Variants in COL5A2 observed in about 807,000 individuals in gnomAD.
COL5A2 encodes the protein collagen type V alpha 2 chain.
A neutral mutation model predicts 208.2 loss-of-function variants in COL5A2; 23 were observed. The observed-to-expected ratio is 0.11, with a 90% CI of 0.08 to 0.16. The LOEUF (loss-of-function observed/expected upper bound fraction) is 0.16, where lower values mean the gene tolerates loss of function less well. Ranked by LOEUF, COL5A2 falls within the 10% of genes least tolerant of loss-of-function variation. COL5A2 has a pLI of 1.00. For synonymous variants in COL5A2, 625 were observed against 628.5 expected (o/e 0.99, Z 0.08); for missense variants, 1,590 against 1,956.4 (o/e 0.81, Z 3.53).
intron 50 of COL5A2, 132 bp from the exon 51 acceptor site, chr2:189,039,695 C>G: frequency 1.3e-6 from 1 of 797,942 alleles, no homozygotes; most frequent in South Asian, 1.8e-5. Flanking sequence ...GACTCGCGCC[C>G]TTTTGTAACT....
At chr2:189,255,094 C>T in the COL5A2 span, among the ~76,000 whole-genome samples, 122 of 152,286 alleles carry the variant, frequency 8.0e-4, 1 homozygote, top group African/African-American at 2.9e-3. Flanking sequence ...ACAGGCTATC[C>T]ACATTCTTTT....
chr2:189,164,899 G>A lies in COL5A2; in HGVS notation c.97+14609C>T, dbSNP rs934965977. Among the ~76,000 whole-genome samples, 10 of 152,292 alleles carry A rather than the reference G, an allele frequency of 6.6e-5. No individual in the cohort carries two copies. In the East Asian group the frequency reaches 1.3e-3, roughly 21 times the overall value. ...CAGTTGCTATCTGGACTCTATCCAC[G>A]TTGAGTTAGTAGAAGTTGAGCAAGC... On this transcript the variant is annotated intron_variant, in intron 1 of 53. Coordinates refer to ENST00000374866, the MANE Select transcript of COL5A2 (RefSeq NM_000393.5).
upstream of COL5A2, among the ~76,000 whole-genome samples, chr2:189,229,940 C>G (rs1340471043): frequency 1.3e-5 from 2 of 151,676 alleles, no homozygotes; most frequent in East Asian, 3.9e-4. Flanking sequence ...GGCTGTATTA[C>G]AAAGCTACAA....
chr2:189,044,870 G>A (rs1229154837), intron 47 of COL5A2, among the ~76,000 whole-genome samples: 1 of 152,004 alleles, frequency 6.6e-6, no homozygotes, highest in Non-Finnish European at 1.5e-5. Context: ...ATTTTCCTAT[G>A]TAGTTTTTAG....
chr2:189,381,577 T>A, the COL5A2 span, among the ~76,000 whole-genome samples: 2 of 152,050 alleles, frequency 1.3e-5, no homozygotes, highest in Non-Finnish European at 2.9e-5. Flanking sequence ...TTATTATTTC[T>A]ATGAAAAATA....
At chr2:189,326,096 C>CAAAA in the COL5A2 span, among the ~76,000 whole-genome samples, 3,611 of 96,686 alleles carry the variant, frequency 0.037, 51 homozygotes, top group Admixed American at 0.044. Context: ...GACCCTGTCT[C>CAAAA]AAAAAAAAAA....
At chr2:189,179,936 A>G (rs7576519), upstream of COL5A2, 7,475 of 517,110 alleles carry the variant, frequency 0.014, 439 homozygotes, top group African/African-American at 0.12. Flanking sequence ...AACTTTCCCT[A>G]TTTCATTTAA....
At chr2:189,271,936 A>T in the COL5A2 span, among the ~76,000 whole-genome samples, 1 of 152,242 alleles carries the variant, frequency 6.6e-6, no homozygotes, top group Non-Finnish European at 1.5e-5. Flanking sequence ...TCGTTAGAGA[A>T]ACGCAAATCA....
rs748184005 is a variant in COL5A2, at chr2:189,068,215, G to A, written c.1302+11C>T. ...CATTTGAGCTTCACATGCCATAAAT[G>A]CAGTACTCACCGTTGGGCCTTTGGC... On this transcript the variant is annotated intron_variant, in intron 20 of 53. Transcript: ENST00000374866. 2 of 1,613,090 alleles carry A rather than the reference G, an allele frequency of 1.2e-6. No homozygotes were observed. Among genetic ancestry groups the A allele is most frequent in the African/African-American group, 2.7e-5 (2 of 74,864 alleles).
intron 1 of COL5A2, among the ~76,000 whole-genome samples, chr2:189,131,043 TA>T (rs1293898221): frequency 6.6e-6 from 1 of 151,970 alleles, no homozygotes; most frequent in African/African-American, 2.4e-5. Flanking sequence ...TTCAGCAAGG[TA>T]AAGACAAAGA....
intron 1 of COL5A2, among the ~76,000 whole-genome samples, chr2:189,208,703 T>TA (rs1689172614): frequency 6.6e-6 from 1 of 152,204 alleles, no homozygotes; most frequent in South Asian, 2.1e-4. Flanking sequence ...ATGTGAAAGT[T>TA]AAGGAAGAGA....
At chr2:189,120,906 T>C (rs1386790760) in intron 1 of COL5A2, among the ~76,000 whole-genome samples, 1 of 152,240 alleles carries the variant, frequency 6.6e-6, no homozygotes. Context: ...TAACATAATG[T>C]ATGCATTTTG....
the COL5A2 span, among the ~76,000 whole-genome samples, chr2:189,412,290 G>A: frequency 6.6e-6 from 1 of 152,076 alleles, no homozygotes; most frequent in African/African-American, 2.4e-5. Flanking sequence ...TGAGAAAGAG[G>A]AATATAATTG....
the COL5A2 span, among the ~76,000 whole-genome samples, chr2:189,386,542 C>T: frequency 6.6e-6 from 1 of 152,134 alleles, no homozygotes; most frequent in Non-Finnish European, 1.5e-5. Flanking sequence ...ATTAAACAGA[C>T]AGCTTACAGA....
At chr2:189,325,999 A>C in the COL5A2 span, among the ~76,000 whole-genome samples, 1 of 150,920 alleles carries the variant, frequency 6.6e-6, no homozygotes, top group Non-Finnish European at 1.5e-5. Flanking sequence ...TGGGAGGCTG[A>C]GGCAGGAGAA....
rs1284653647 is a variant in COL5A2, at chr2:189,043,037, C to T, written c.3471+114G>A. The T allele has an allele frequency of 4.6e-6, 4 of 861,568 alleles. No homozygotes were observed. The East Asian group carries it at 1.1e-4, about 23-fold the overall frequency. The allele number at this position is 861,568 out of a possible 1,614,324, so 53.4% of individuals were successfully genotyped here. ...GTTATTCATCAAGATATTCTTTGAA[C>T]TGAAAATAAGATACAAACATATCCA... is the stretch of plus-strand genomic sequence containing the variant. On this transcript the variant is annotated intron_variant, in intron 48 of 53. Transcript: ENST00000374866.
the COL5A2 span, among the ~76,000 whole-genome samples, chr2:189,296,252 A>T: frequency 4.0e-4 from 61 of 151,658 alleles, no homozygotes; most frequent in Admixed American, 4.0e-3. Flanking sequence ...TTAATACTAT[A>T]TTTTTTTTAT....
chr2:189,320,772 C>A, the COL5A2 span, among the ~76,000 whole-genome samples: 1 of 152,156 alleles, frequency 6.6e-6, no homozygotes, highest in African/African-American at 2.4e-5. Context: ...ACTTCCCCAA[C>A]CTAGCAAGGA....
At chr2:189,422,668 A>G in the COL5A2 span, among the ~76,000 whole-genome samples, 26 of 152,320 alleles carry the variant, frequency 1.7e-4, no homozygotes, top group African/African-American at 6.3e-4. Context: ...TTGAAATCAC[A>G]TTAAGCATTT....
Sources: gnomAD v4.1 joint callset for allele counts (sites outside exome capture counted in the v4.1 genomes callset) on GRCh38, gnomAD v4.1.1 for gene constraint, MANE v1.5 for transcripts, NCBI Gene and HGNC (gene_info 2026-07-23, HGNC 2026-07-21) for gene names.